The following TMEM74 variants were observed in gnomAD, a reference collection of about 807,000 sequenced individuals.
TMEM74 encodes the protein transmembrane protein 74.
In TMEM74, 13 loss-of-function variants were observed where a neutral mutation model predicts 18.1. The observed-to-expected ratio is 0.72, with a 90% CI of 0.47 to 1.14. The LOEUF (loss-of-function observed/expected upper bound fraction) is 1.14. TMEM74 is among the 50% of genes most tolerant of loss of function. The pLI, the probability that TMEM74 is intolerant of heterozygous loss-of-function variation, is 0.00. For synonymous variants in TMEM74, 159 were observed against 146.6 expected, an observed-to-expected ratio of 1.08 and a Z score of -0.61; for missense variants, 372 against 375.9, an observed-to-expected ratio of 0.99 and a Z score of 0.09.
chr8:108,767,172 A>G (rs969467821), intron 1 of TMEM74, among the ~76,000 whole-genome samples: 6 of 152,202 alleles, frequency 3.9e-5, no homozygotes, highest in African/African-American at 7.2e-5. Flanking sequence ...AACCTGAAGA[A>G]TTTGAAATTT....
chr8:108,649,977 C>G lies in TMEM74; in HGVS notation n.264+5316G>C, dbSNP rs150028003. 8.5e-5 allele frequency among the ~76,000 whole-genome samples: 13 copies of G among 152,284 alleles called. No individual in the cohort carries two copies. In the East Asian group the frequency reaches 2.5e-3, roughly 29 times the overall value. ...TTCCCTTCCCTACATTATAAAACTT[C>G]CCACAGTAGTATCCATCCTTCTTTT... On this transcript the variant is annotated intron_variant and non_coding_transcript_variant, in intron 2 of 3. Transcript: ENST00000518838.
At chr8:108,735,162 G>C (rs1813735779) in intron 1 of TMEM74, among the ~76,000 whole-genome samples, 1 of 152,120 alleles carries the variant, frequency 6.6e-6, no homozygotes, top group Non-Finnish European at 1.5e-5. Flanking sequence ...GCGTCTTCAT[G>C]ATGGACCCAG....
intron 2 of TMEM74, among the ~76,000 whole-genome samples, chr8:108,647,381 A>G (rs1586246351): frequency 6.6e-6 from 1 of 152,190 alleles, no homozygotes; most frequent in East Asian, 1.9e-4. Flanking sequence ...TAAATGTCAC[A>G]CAACCAATTT....
intron 2 of TMEM74, chr8:108,653,314 G>T: frequency 6.5e-6 from 1 of 154,760 alleles, no homozygotes; most frequent in Middle Eastern, 7.1e-4. Context: ...GAGCACAGTG[G>T]GATGATGGGC....
chr8:108,786,156 C>G (rs1343773138), intron 1 of TMEM74, among the ~76,000 whole-genome samples: 1 of 152,152 alleles, frequency 6.6e-6, no homozygotes, highest in African/African-American at 2.4e-5. Flanking sequence ...TCTGTGGAGA[C>G]AAATAGGTGA....
At position 108,676,230 on chromosome 8, in the gene TMEM74, T is replaced by C. The variant is rs528841278; in HGVS notation, n.120-20793A>G. Among the ~76,000 whole-genome samples, 17 of 152,302 alleles carry C rather than the reference T, an allele frequency of 1.1e-4. No individual in the cohort carries two copies. In the East Asian group the frequency reaches 3.3e-3, roughly 29 times the overall value. ...TTTGTAGGGTCACTTCTGGGGACTTTATCAGCTTATGTCACTACTCCACCC... is the reference window on the plus strand; with the variant it reads ...TTTGTAGGGTCACTTCTGGGGACTTCATCAGCTTATGTCACTACTCCACCC... On this transcript the variant is annotated intron_variant and non_coding_transcript_variant, in intron 1 of 3. Transcript: ENST00000518838.
At chr8:108,760,169 AGAGAGG>A (rs1563544832) in intron 1 of TMEM74, among the ~76,000 whole-genome samples, 1 of 150,920 alleles carries the variant, frequency 6.6e-6, no homozygotes, top group Non-Finnish European at 1.5e-5. Context: ...AGAGAGAGAG[AGAGAGG>A]GAGAGAGAGA....
At chr8:108,695,111 C>CAA (rs1457836798) in intron 1 of TMEM74, among the ~76,000 whole-genome samples, 2 of 152,100 alleles carry the variant, frequency 1.3e-5, no homozygotes, top group African/African-American at 4.8e-5. Context: ...GCCAGGAAGC[C>CAA]AAGAGGTCAG....
chr8:108,712,832 A>T (rs932114135), intron 1 of TMEM74, among the ~76,000 whole-genome samples: 9 of 152,186 alleles, frequency 5.9e-5, no homozygotes, highest in Admixed American at 1.3e-4. Flanking sequence ...AGCCCTTAGA[A>T]TGTAACAGAA....
At chr8:108,713,954 G>A (rs897844290) in intron 1 of TMEM74, among the ~76,000 whole-genome samples, 1 of 152,198 alleles carries the variant, frequency 6.6e-6, no homozygotes, top group African/African-American at 2.4e-5. Context: ...GCCTGGAGTT[G>A]TTGCATAGGG....
chr8:108,647,749 C>T (rs1812734461), intron 2 of TMEM74, among the ~76,000 whole-genome samples: 1 of 151,590 alleles, frequency 6.6e-6, no homozygotes, highest in Non-Finnish European at 1.5e-5. Context: ...TTTTTTTGCC[C>T]AAAAGAAGCT....
At chr8:108,643,346 CTT>C (rs1812684804) in intron 2 of TMEM74, among the ~76,000 whole-genome samples, 1 of 152,146 alleles carries the variant, frequency 6.6e-6, no homozygotes, top group Non-Finnish European at 1.5e-5. Context: ...GAACCATTGA[CTT>C]AGACTAAAGG....
At chr8:108,614,449 C>T (rs1240924828) in intron 2 of TMEM74, among the ~76,000 whole-genome samples, 1 of 152,028 alleles carries the variant, frequency 6.6e-6, no homozygotes, top group African/African-American at 2.4e-5. Flanking sequence ...GGAATAGAAA[C>T]AAGACTCGCA....
At chr8:108,714,640 C>G (rs1813505415) in intron 1 of TMEM74, among the ~76,000 whole-genome samples, 1 of 152,148 alleles carries the variant, frequency 6.6e-6, no homozygotes, top group Non-Finnish European at 1.5e-5. Context: ...TTAAAGAACT[C>G]AGAACTACCA....
chr8:108,784,338 A>G lies in TMEM74; in HGVS notation c.761T>C (p.Met254Thr), dbSNP rs1814347593. Residue 254 changes from methionine to threonine, a missense_variant, in exon 2 of 2, where the codon ATG (methionine) becomes ACG (threonine). By Grantham distance (81) the Met-to-Thr change is moderately conservative. Coordinates refer to ENST00000297459, the MANE Select transcript of TMEM74 (RefSeq NM_153015.3). Reference protein sequence around the residue: ...VILSCLLMMSMWKGELYRRNR... With the variant: ...VILSCLLMMSTWKGELYRRNR... ...TCGACGATAGAGCTCCCCCTTCCAC[A>G]TGGACATCATTAACAAGCAGGACAG... 2 of 1,614,010 alleles carry G rather than the reference A, an allele frequency of 1.2e-6. No homozygotes were observed. The highest frequency in any genetic ancestry group is 2.2e-5 in the East Asian group (1 of 44,838).
intron 1 of TMEM74, among the ~76,000 whole-genome samples, chr8:108,679,195 C>T (rs1430118642): frequency 6.6e-6 from 1 of 152,134 alleles, no homozygotes; most frequent in Non-Finnish European, 1.5e-5. Flanking sequence ...GTGAATAGTG[C>T]TGCAATAAAC....
At chr8:108,622,426 T>G (rs2130544269) in intron 2 of TMEM74, among the ~76,000 whole-genome samples, 1 of 152,258 alleles carries the variant, frequency 6.6e-6, no homozygotes, top group Admixed American at 6.5e-5. Context: ...CACCAATGCA[T>G]GTTTTTTAAC....
At chr8:108,613,494 C>A (rs1000364651) in intron 2 of TMEM74, among the ~76,000 whole-genome samples, 1 of 152,214 alleles carries the variant, frequency 6.6e-6, no homozygotes, top group Non-Finnish European at 1.5e-5. Flanking sequence ...CTATGATAAT[C>A]ACGAAATGGC....
intron 1 of TMEM74, among the ~76,000 whole-genome samples, chr8:108,699,346 A>G (rs1002596425): frequency 1.3e-5 from 2 of 151,908 alleles, no homozygotes; most frequent in Admixed American, 1.3e-4. Flanking sequence ...TGTAAACTTG[A>G]AAAGTTAGGA....
Sources: gnomAD v4.1 joint callset for allele counts (sites outside exome capture counted in the v4.1 genomes callset) on GRCh38, gnomAD v4.1.1 for gene constraint, MANE v1.5 for transcripts, NCBI Gene and HGNC (gene_info 2026-07-23, HGNC 2026-07-21) for gene names.